Variants in NTM observed in about 807,000 individuals in gnomAD.
NTM encodes neurotrimin, also known as IgLON family member 2.
In NTM, 13 loss-of-function variants were observed where a neutral mutation model predicts 42.1. That is an observed-to-expected ratio of 0.31 (90% CI 0.20 to 0.49). The LOEUF (loss-of-function observed/expected upper bound fraction) is 0.49, where lower values mean the gene tolerates loss of function less well. Among genes scored for constraint, NTM ranks in the 20% least tolerant of loss-of-function variants. NTM has a pLI of 0.99. For synonymous variants in NTM, 187 were observed against 179.2 expected (o/e 1.04, Z -0.35); for missense variants, 373 against 452.8 (o/e 0.82, Z 1.60).
intron 1 of NTM, among the ~76,000 whole-genome samples, chr11:131,871,171 G>T (rs1852147244): frequency 6.6e-6 from 1 of 152,200 alleles, no homozygotes; most frequent in African/African-American, 2.4e-5. Context: ...GTTTTAATCA[G>T]GGAGAACATG....
At chr11:131,775,090 A>G (rs1308268160) in intron 1 of NTM, among the ~76,000 whole-genome samples, 1 of 152,240 alleles carries the variant, frequency 6.6e-6, no homozygotes, top group Admixed American at 6.5e-5. Context: ...CTAGATAATA[A>G]TAATTCAGCA....
chr11:131,852,025 C>T (rs1469156895), intron 1 of NTM, among the ~76,000 whole-genome samples: 1 of 152,148 alleles, frequency 6.6e-6, no homozygotes, highest in East Asian at 1.9e-4. Context: ...TCATTTCCAG[C>T]TACTGGACTC....
intron 2 of NTM, among the ~76,000 whole-genome samples, chr11:132,013,144 T>G (rs1243905274): frequency 6.6e-6 from 1 of 152,004 alleles, no homozygotes; most frequent in Non-Finnish European, 1.5e-5. Flanking sequence ...CTGTGTGAAG[T>G]CAACAGAGAC....
intron 4 of NTM, among the ~76,000 whole-genome samples, chr11:132,261,920 C>T (rs1172863561): frequency 1.3e-5 from 2 of 152,186 alleles, no homozygotes; most frequent in Non-Finnish European, 2.9e-5. Context: ...AATCCATCGA[C>T]AGCTGCAGAT....
At chr11:131,506,620 A>C in intron 1 of NTM, among the ~76,000 whole-genome samples, 1 of 152,286 alleles carries the variant, frequency 6.6e-6, no homozygotes, top group East Asian at 1.9e-4. Context: ...ATGAGTTACT[A>C]TCTTTGCCAG....
intron 1 of NTM, among the ~76,000 whole-genome samples, chr11:131,634,950 C>T (rs1220831073): frequency 6.6e-6 from 1 of 152,154 alleles, no homozygotes; most frequent in African/African-American, 2.4e-5. Flanking sequence ...ATTTCAATAT[C>T]ATTCACATAT....
intron 2 of NTM, among the ~76,000 whole-genome samples, chr11:132,078,946 A>G (rs144090593): frequency 0.014 from 2,066 of 152,250 alleles, 26 homozygotes; most frequent in Non-Finnish European, 0.021. Context: ...TAAATGCAGA[A>G]CCTCAAGAGC....
chr11:132,205,000 C>A (rs1248787242), intron 3 of NTM, among the ~76,000 whole-genome samples: 4 of 152,220 alleles, frequency 2.6e-5, no homozygotes, highest in Non-Finnish European at 5.9e-5. Context: ...AGTGTCTCTG[C>A]ACGTGGTCTG....
intron 1 of NTM, among the ~76,000 whole-genome samples, chr11:131,418,268 G>C (rs2135804956): frequency 6.6e-6 from 1 of 152,312 alleles, no homozygotes; most frequent in South Asian, 2.1e-4. Context: ...TGTGATGTTA[G>C]AGGACTCATA....
intron 3 of NTM, among the ~76,000 whole-genome samples, chr11:132,175,942 G>A (rs1315006423): frequency 1.3e-5 from 2 of 151,906 alleles, no homozygotes; most frequent in Non-Finnish European, 1.5e-5. Flanking sequence ...TCCATCTTAT[G>A]TCTGTTCTCT....
At chr11:132,031,920 C>T (rs1158052580) in intron 2 of NTM, among the ~76,000 whole-genome samples, 1 of 151,994 alleles carries the variant, frequency 6.6e-6, no homozygotes, top group Non-Finnish European at 1.5e-5. Flanking sequence ...AAAGGCCCTC[C>T]CACTCATTAA....
rs193227699 is a variant in NTM, at chr11:131,444,354, G to A, written c.82+73466G>A. On this transcript the variant is annotated intron_variant, in intron 1 of 8. Transcript: ENST00000683400. Reference sequence around the variant, plus strand: ...GCGTCTTATGGAAAGAGAAAGAAAAGGGATCAGATTGCTCATATCAAATGC... The same window carrying A: ...GCGTCTTATGGAAAGAGAAAGAAAAAGGATCAGATTGCTCATATCAAATGC... Among the ~76,000 whole-genome samples, 164 of 152,208 alleles carry A rather than the reference G, an allele frequency of 1.1e-3. 1 individual carries two copies. Among genetic ancestry groups the A allele is most frequent in the South Asian group, 2.7e-3 (13 of 4,818 alleles).
intron 3 of NTM, among the ~76,000 whole-genome samples, chr11:132,176,301 A>G (rs1297999207): frequency 6.6e-6 from 1 of 152,052 alleles, no homozygotes; most frequent in East Asian, 1.9e-4. Context: ...AGGCATTTCT[A>G]AAAGATGGGT....
chr11:131,899,778 GT>G (rs35324377), intron 1 of NTM, among the ~76,000 whole-genome samples: 2 of 151,834 alleles, frequency 1.3e-5, no homozygotes, highest in Non-Finnish European at 2.9e-5. Context: ...TTTCTTAAGA[GT>G]TTTTTTATTT....
In NTM at chr11:131,372,354, C is replaced by T. The variant is rs765519020; in HGVS notation, c.82+1466C>T. Reference sequence around the variant, plus strand: ...ATGGGCCTCAGGATTCCCTGCTGTCCCCTAGGGGCTTTGGTGGGTGTTTGA... The same window carrying T: ...ATGGGCCTCAGGATTCCCTGCTGTCTCCTAGGGGCTTTGGTGGGTGTTTGA... On this transcript the variant is annotated intron_variant, in intron 1 of 8. Transcript: ENST00000683400. 5.9e-5 allele frequency among the ~76,000 whole-genome samples: 9 copies of T among 152,052 alleles called. No homozygotes were observed. The East Asian group carries it at 7.7e-4, about 13-fold the overall frequency.
chr11:132,113,726 A>T (rs937038754), intron 2 of NTM, among the ~76,000 whole-genome samples: 2 of 151,788 alleles, frequency 1.3e-5, no homozygotes, highest in African/African-American at 4.8e-5. Context: ...GTAAATATAG[A>T]CCCCCAAAGT....
intron 2 of NTM, among the ~76,000 whole-genome samples, chr11:132,055,552 GGGA>G (rs2079508533): frequency 6.6e-6 from 1 of 152,188 alleles, no homozygotes; most frequent in South Asian, 2.1e-4. Flanking sequence ...ACGACAGGCA[GGGA>G]GGAGGAGACA....
intron 1 of NTM, among the ~76,000 whole-genome samples, chr11:131,548,621 C>T (rs1416138350): frequency 6.6e-6 from 1 of 152,184 alleles, no homozygotes; most frequent in Non-Finnish European, 1.5e-5. Flanking sequence ...ATCCTGACTT[C>T]TTTCTATTCC....
chr11:131,876,516 A>G (rs1051861364), intron 1 of NTM, among the ~76,000 whole-genome samples: 7 of 152,234 alleles, frequency 4.6e-5, no homozygotes, highest in African/African-American at 1.7e-4. Flanking sequence ...TCTTAGCCCA[A>G]GCAAAATATA....
Sources: gnomAD v4.1 joint callset for allele counts (sites outside exome capture counted in the v4.1 genomes callset) on GRCh38, gnomAD v4.1.1 for gene constraint, MANE v1.5 for transcripts, NCBI Gene and HGNC (gene_info 2026-07-23, HGNC 2026-07-21) for gene names.